Variants in SLC5A7 observed in about 807,000 individuals in gnomAD.
SLC5A7 encodes the protein solute carrier family 5 member 7.
In SLC5A7, 19 loss-of-function variants were observed where a neutral mutation model predicts 55.4. That is an observed-to-expected ratio of 0.34 (90% CI 0.24 to 0.50). The LOEUF is 0.50. Among genes scored for constraint, SLC5A7 ranks in the 20% least tolerant of loss-of-function variants. The pLI is 0.98. For missense variants in SLC5A7, 506 were observed against 705.3 expected (o/e 0.72, Z 3.20); for synonymous variants, 265 against 263.7 (o/e 1.00, Z -0.05).
intron 7 of SLC5A7, among the ~76,000 whole-genome samples, chr2:108,007,868 G>C (rs767994313): frequency 1.3e-5 from 2 of 152,148 alleles, no homozygotes; most frequent in African/African-American, 2.4e-5. Context: ...TGTGTTTCAA[G>C]TCTTCTTACC....
chr2:107,996,917 C>T (rs1246021895), intron 4 of SLC5A7, among the ~76,000 whole-genome samples: 6 of 152,242 alleles, frequency 3.9e-5, no homozygotes, highest in East Asian at 3.9e-4. Context: ...AGTGATCTGT[C>T]GCAAATTAAA....
At chr2:107,994,542 C>T (rs1424291469) in intron 4 of SLC5A7, among the ~76,000 whole-genome samples, 5 of 151,976 alleles carry the variant, frequency 3.3e-5, no homozygotes, top group African/African-American at 4.8e-5. Flanking sequence ...GCTGAGATCA[C>T]GCCACTGCAC....
At chr2:108,002,753 A>T (rs1189652666) in intron 6 of SLC5A7, among the ~76,000 whole-genome samples, 2 of 152,088 alleles carry the variant, frequency 1.3e-5, no homozygotes, top group African/African-American at 4.8e-5. Context: ...GTGGTGGCTC[A>T]CCCTGGTAAT....
At chr2:107,995,063 G>A (rs11685873) in intron 4 of SLC5A7, among the ~76,000 whole-genome samples, 19,508 of 152,226 alleles carry the variant, frequency 0.13, 1,393 homozygotes, top group Admixed American at 0.19. Context: ...TGCATTCTGA[G>A]AGATGCATCA....
intron 6 of SLC5A7, among the ~76,000 whole-genome samples, 181 bp from the exon 7 acceptor site, chr2:108,005,868 G>A (rs1678093831): frequency 6.6e-6 from 1 of 152,106 alleles, no homozygotes; most frequent in Admixed American, 6.6e-5. Context: ...ATGAATTTAG[G>A]GGGAACATAA....
chr2:108,001,068 A>G (rs1677872555), intron 5 of SLC5A7, among the ~76,000 whole-genome samples: 1 of 151,586 alleles, frequency 6.6e-6, no homozygotes, highest in Non-Finnish European at 1.5e-5. Context: ...GCTGAGAAAT[A>G]CAATTCTTTA....
At position 108,010,598 on chromosome 2, in the gene SLC5A7, A is replaced by G. The variant is rs1558872822; in HGVS notation, c.1480A>G (p.Ile494Val). The G allele has an allele frequency of 2.5e-6, 4 of 1,613,984 alleles. No homozygotes were observed. The highest frequency in any genetic ancestry group is 2.2e-5 in the East Asian group (1 of 44,880). ...TACATCATTCTTAACCAACATTTGC[A>G]TCTCCTATCTAGCCAAGTATCTATT... ...MVTSFLTNIC[I>V]SYLAKYLFES... Residue 494 changes from isoleucine to valine, a missense_variant, in exon 9 of 9, where the codon ATC becomes GTC. By Grantham distance (29) the Ile-to-Val change is conservative. Transcript: ENST00000264047.
At position 107,997,824 on chromosome 2, in the gene SLC5A7, C is replaced by G. The variant is rs1168011809; in HGVS notation, c.449-14C>G. Reference sequence around the variant, plus strand: ...CTGGGCACCTTGACCACAGAACTCTCTTGTTTGTTTCAGGAGCCACCATCA... The same window carrying G: ...CTGGGCACCTTGACCACAGAACTCTGTTGTTTGTTTCAGGAGCCACCATCA... On this transcript the variant is annotated splice_polypyrimidine_tract_variant and intron_variant, in intron 4 of 8. Transcript: ENST00000264047. The G allele has an allele frequency of 1.2e-6, 2 of 1,601,772 alleles. No homozygotes were observed. The highest frequency in any genetic ancestry group is 1.7e-6 in the Non-Finnish European group (2 of 1,173,866).
In SLC5A7 at chr2:108,013,082, T is replaced by G. The variant is rs2104388852; in HGVS notation, c.*2221T>G. 6.6e-6 allele frequency: 1 copy of G among 152,164 alleles called. No individual in the cohort carries two copies. The highest frequency in any genetic ancestry group is 2.4e-5 in the African/African-American group (1 of 41,526). 9.4% of individuals were successfully genotyped at this position (152,164 alleles called of 1,614,324 possible). Reference sequence around the variant, plus strand: ...CTCTCTACAGGTCTCTCTCTTTACGTTGTACCATTCTGTTGGGCAACAATT... The same window carrying G: ...CTCTCTACAGGTCTCTCTCTTTACGGTGTACCATTCTGTTGGGCAACAATT... On this transcript the variant is annotated 3_prime_UTR_variant, in exon 9 of 9. Coordinates refer to ENST00000264047, the MANE Select transcript of SLC5A7 (RefSeq NM_021815.5).
intron 8 of SLC5A7, among the ~76,000 whole-genome samples, chr2:108,009,931 A>G (rs1678252442): frequency 6.6e-6 from 1 of 152,086 alleles, no homozygotes; most frequent in Admixed American, 6.5e-5. Flanking sequence ...TTGCTTTATT[A>G]TACCTCCCTG....
chr2:108,006,154 G>C lies in SLC5A7; in HGVS notation c.847G>C (p.Val283Leu). Residue 283 changes from valine (V) to leucine (L), a missense_variant, in exon 7 of 9, where the codon GTG (valine) becomes CTG (leucine). Around this residue, in one of 4 missense-constraint regions of SLC5A7, gnomAD observed 309 missense variants for 478.6 expected, o/e 0.65. Transcript: ENST00000264047. The part of the protein sequence containing the change: ...LSFLAAFGCL[V>L]MAIPAILIGA... ...CTTCCTGGCAGCTTTCGGGTGCCTG[G>C]TGATGGCCATCCCAGCCATACTCAT... The C allele has an allele frequency of 6.2e-7, 1 of 1,613,968 alleles. No individual in the cohort carries two copies. The highest frequency in any genetic ancestry group is 8.5e-7 in the Non-Finnish European group (1 of 1,179,986).
rs778842636 is a variant in SLC5A7 at position 108,008,508 on chromosome 2, A to G, written c.939A>G (p.Thr313=). ...ATGGGCTTCCAGATCCCAAGACTAC[A>G]GAAGAGGCAGACATGATTTTACCAA... ...TAYGLPDPKT[T]EEADMILPIV... Residue 313 remains threonine, a synonymous_variant, in exon 8 of 9, where the codon ACA becomes ACG. Transcript: ENST00000264047. 1.9e-6 allele frequency: 3 copies of G among 1,613,750 alleles called. No individual in the cohort carries two copies. Among genetic ancestry groups the G allele is most frequent in the Non-Finnish European group, 2.5e-6 (3 of 1,179,846 alleles).
At chr2:107,991,118 C>T (rs1213951690) in intron 2 of SLC5A7, among the ~76,000 whole-genome samples, 1 of 152,128 alleles carries the variant, frequency 6.6e-6, no homozygotes, top group Non-Finnish European at 1.5e-5. Context: ...GAAAATGGTG[C>T]TAGCATTACA....
At chr2:107,989,437 G>A (rs1677365557) in intron 2 of SLC5A7, among the ~76,000 whole-genome samples, 1 of 152,168 alleles carries the variant, frequency 6.6e-6, no homozygotes, top group African/African-American at 2.4e-5. Flanking sequence ...TGTTCTATGT[G>A]AGCCATCAGT....
chr2:107,993,424 T>C (rs1342940895), intron 4 of SLC5A7, among the ~76,000 whole-genome samples: 1 of 152,202 alleles, frequency 6.6e-6, no homozygotes, highest in Admixed American at 6.5e-5. Flanking sequence ...GAACAAAGAA[T>C]AATGAATTAA....
intron 8 of SLC5A7, 86 bp from the exon 9 acceptor site, chr2:108,010,146 T>C (rs768698553): frequency 4.1e-5 from 61 of 1,505,482 alleles, no homozygotes; most frequent in Non-Finnish European, 5.3e-5. Context: ...TTTAGACCAG[T>C]TTTGAAGCAA....
At chr2:108,008,763 A>T in intron 8 of SLC5A7, 81 bp downstream of exon 8, 1 of 936,598 alleles carries the variant, frequency 1.1e-6, no homozygotes, top group Middle Eastern at 3.5e-4. Flanking sequence ...TATATACAGT[A>T]TTATATATTT....
chr2:107,989,378 G>A (rs943507429), intron 2 of SLC5A7, among the ~76,000 whole-genome samples: 1 of 152,182 alleles, frequency 6.6e-6, no homozygotes, highest in Non-Finnish European at 1.5e-5. Flanking sequence ...TCTGGGGAGA[G>A]GCCATTCATG....
chr2:108,013,162 T>A lies in SLC5A7; in HGVS notation c.*2301T>A, dbSNP rs1451904322. ...GGAAAAAAAGGTTAACAGTAAAAATTTCTTCCACGTAATTCAATTTCTCAC... is the reference window on the plus strand; with the variant it reads ...GGAAAAAAAGGTTAACAGTAAAAATATCTTCCACGTAATTCAATTTCTCAC... On this transcript the variant is annotated 3_prime_UTR_variant, in exon 9 of 9. Transcript: ENST00000264047. 6.6e-6 allele frequency: 1 copy of A among 152,100 alleles called. No individual in the cohort carries two copies. The highest frequency in any genetic ancestry group is 1.5e-5 in the Non-Finnish European group (1 of 68,002). The allele number at this position is 152,100 out of a possible 1,614,324, so 9.4% of individuals were successfully genotyped here. A position where few individuals can be genotyped will look rare whatever the true frequency, so the allele number is the denominator to read the frequency against.
Sources: gnomAD v4.1 joint callset for allele counts (sites outside exome capture counted in the v4.1 genomes callset) on GRCh38, gnomAD v4.1.1 for gene constraint, gnomAD v4.1.1 regional missense constraint, MANE v1.5 for transcripts, NCBI Gene and HGNC (gene_info 2026-07-23, HGNC 2026-07-21) for gene names.